The following MYH11 variants were observed in gnomAD, a reference collection of about 807,000 sequenced individuals.
MYH11 encodes myosin-11.
In MYH11, 80 loss-of-function variants were observed where a neutral mutation model predicts 246.6. The ratio of observed to expected loss-of-function variants is 0.32; its 90% confidence interval spans 0.27 to 0.39. The LOEUF is 0.39. Ranked by LOEUF, MYH11 falls within the 10% of genes least tolerant of loss-of-function variation. The probability of loss-of-function intolerance (pLI) is 1.00; values close to 1 mark genes in which losing one functional copy is unlikely to be tolerated. For missense variants in MYH11, 2,158 were observed against 2,546.8 expected (o/e 0.85, Z 3.29); for synonymous variants, 1,071 against 1,015.5 (o/e 1.05, Z -1.04).
intron 10 of MYH11, 56 bp from the exon 11 acceptor site, chr16:15,760,714 A>G: frequency 8.5e-7 from 1 of 1,171,542 alleles, no homozygotes; most frequent in Non-Finnish European, 1.3e-6. Context: ...GCTTGGCAAG[A>G]AGACACATCG....
chr16:15,727,049 C>A lies in MYH11; in HGVS notation c.3657G>T (p.Lys1219Asn). 2 of 1,613,354 alleles carry A rather than the reference C, an allele frequency of 1.2e-6. No individual in the cohort carries two copies. Residue 1219 changes from lysine to asparagine, a missense_variant, in exon 28 of 41, where the codon AAG (lysine) becomes AAT (asparagine). This residue lies in a region of MYH11 where 1,013 missense variants were observed against 993.5 expected (regional missense o/e 1.02). Transcript: ENST00000300036. ...TCTGCTTATTCTTGTCTAGGTTCGC[C>A]TTGGCCTGGCGAAGGAAGCAGAGGG... ...TEQLEQFKRAKANLDKNKQTL... is the reference protein window; with the variant it reads ...TEQLEQFKRANANLDKNKQTL...
At chr16:15,830,492 G>A (rs1390109741) in intron 2 of MYH11, among the ~76,000 whole-genome samples, 3 of 152,190 alleles carry the variant, frequency 2.0e-5, no homozygotes, top group African/African-American at 7.2e-5. Context: ...TACACAGTTA[G>A]ATGCAAAGAT....
chr16:15,717,708 A>G (rs1199569341), intron 37 of MYH11: 14 of 356,564 alleles, frequency 3.9e-5, no homozygotes, highest in Non-Finnish European at 7.4e-5. Flanking sequence ...AAGCAGGAGA[A>G]TCCCTTGAAC....
chr16:15,829,409 G>T (rs1432242654), intron 2 of MYH11, among the ~76,000 whole-genome samples: 1 of 152,168 alleles, frequency 6.6e-6, no homozygotes. Context: ...AGGGTATGAC[G>T]ATGGAGTGAA....
At chr16:15,719,008 G>A (rs1229445697) in intron 36 of MYH11, 5 of 610,096 alleles carry the variant, frequency 8.2e-6, no homozygotes, top group Non-Finnish European at 1.2e-5. Context: ...CACACCTGTA[G>A]TCTCAGCTAC....
chr16:15,809,093 G>A (rs1267624214), intron 3 of MYH11, among the ~76,000 whole-genome samples: 1 of 152,050 alleles, frequency 6.6e-6, no homozygotes. Flanking sequence ...TTCCAAGGAA[G>A]CCTCCCCTGT....
At chr16:15,782,547 G>T in intron 5 of MYH11, 70 bp from the exon 6 acceptor site, 2 of 1,279,330 alleles carry the variant, frequency 1.6e-6, no homozygotes, top group Non-Finnish European at 2.3e-6. Context: ...TTGGATGGAT[G>T]TTGTCACAAA....
intron 40 of MYH11, 100 bp from the exon 41 acceptor site, chr16:15,704,223 G>A (rs2039331406): frequency 7.0e-7 from 1 of 1,434,768 alleles, no homozygotes; most frequent in African/African-American, 1.4e-5. Flanking sequence ...TAGTCCTATT[G>A]CAATATAAAT....
At chr16:15,737,199 C>T (rs905028490) in intron 25 of MYH11, among the ~76,000 whole-genome samples, 7 of 152,176 alleles carry the variant, frequency 4.6e-5, no homozygotes, top group African/African-American at 1.7e-4. Flanking sequence ...GCAGCAGCAA[C>T]ACCATGGGAG....
At chr16:15,814,775 T>A (rs76469689) in intron 3 of MYH11, among the ~76,000 whole-genome samples, 4,056 of 151,964 alleles carry the variant, frequency 0.027, 183 homozygotes, top group African/African-American at 0.092. Flanking sequence ...ACCCCTCCCA[T>A]ATCTTCTACA....
intron 2 of MYH11, among the ~76,000 whole-genome samples, chr16:15,836,340 C>T (rs2043891214): frequency 6.6e-6 from 1 of 152,172 alleles, no homozygotes; most frequent in African/African-American, 2.4e-5. Flanking sequence ...TGGCTATTGA[C>T]TACTTGACCT....
intron 3 of MYH11, among the ~76,000 whole-genome samples, chr16:15,802,089 T>C (rs2042900885): frequency 6.6e-6 from 1 of 152,188 alleles, no homozygotes; most frequent in African/African-American, 2.4e-5. Context: ...ACACATACAA[T>C]CTTTTCCTCA....
chr16:15,771,942 C>G (rs2042111718), intron 8 of MYH11, among the ~76,000 whole-genome samples: 1 of 151,948 alleles, frequency 6.6e-6, no homozygotes, highest in Non-Finnish European at 1.5e-5. Context: ...GATATCCAGC[C>G]TTGGTTCTGC....
intron 3 of MYH11, among the ~76,000 whole-genome samples, chr16:15,806,755 C>A (rs2151331993): frequency 6.6e-6 from 1 of 152,186 alleles, no homozygotes; most frequent in African/African-American, 2.4e-5. Flanking sequence ...TCCCCTGAAC[C>A]AATGAGCTCC....
At chr16:15,832,226 T>A (rs969738512) in intron 2 of MYH11, among the ~76,000 whole-genome samples, 2 of 152,080 alleles carry the variant, frequency 1.3e-5, no homozygotes. Flanking sequence ...ACTGGAAAAA[T>A]GTCCTTTGGG....
At chr16:15,710,681 G>GT (rs796312900) in intron 40 of MYH11, among the ~76,000 whole-genome samples, 55 of 151,036 alleles carry the variant, frequency 3.6e-4, no homozygotes, top group African/African-American at 1.3e-3. Context: ...GAGGGTTTTT[G>GT]TTTTTTGTTT....
rs936366348 is a variant in MYH11 at position 15,737,999 on chromosome 16, G to A, written c.3122-379C>T. 8.6e-5 allele frequency among the ~76,000 whole-genome samples: 13 copies of A among 152,030 alleles called. 1 individual carries two copies. The highest frequency in any genetic ancestry group is 8.5e-4 in the Admixed American group (13 of 15,256). ...GACAGGGTTTCACCATGTTGGCCAG[G>A]CTGGTCTCCAACTCTTGACCTCGTG... On this transcript the variant is annotated intron_variant, in intron 24 of 40. Transcript: ENST00000300036.
At chr16:15,853,242 C>T (rs1377742730) in intron 1 of MYH11, among the ~76,000 whole-genome samples, 3 of 152,106 alleles carry the variant, frequency 2.0e-5, no homozygotes, top group Non-Finnish European at 4.4e-5. Context: ...AACTCCTGGG[C>T]TCAAGCAATC....
chr16:15,786,602 T>C (rs745559120), intron 5 of MYH11, 28 bp downstream of exon 5: 1 of 1,601,728 alleles, frequency 6.2e-7, no homozygotes, highest in South Asian at 1.1e-5. Flanking sequence ...GGCTAAATCA[T>C]GGCCTCTGAT....
Sources: allele counts gnomAD v4.1 joint callset (sites outside exome capture counted in the v4.1 genomes callset), GRCh38; gene constraint gnomAD v4.1.1; regional missense constraint gnomAD v4.1.1; transcripts MANE v1.5; gene names NCBI Gene and HGNC (gene_info 2026-07-23, HGNC 2026-07-21).